DSPP: variants seen among roughly 807,000 people sequenced by gnomAD.
DSPP encodes the protein deafness, autosomal dominant 39.
DSPP carries 28 observed loss-of-function variants against 29.1 expected under a neutral mutation model. The observed-to-expected ratio is 0.96, with a 90% confidence interval of 0.71 to 1.32. The LOEUF is 1.32. DSPP is among the 40% of genes most tolerant of loss of function. DSPP has a pLI of 0.00. For synonymous variants in DSPP, 481 were observed against 503.4 expected, an observed-to-expected ratio of 0.96 and a Z score of 0.60; for missense variants, 1,281 against 1,629.9, an observed-to-expected ratio of 0.79 and a Z score of 3.69.
Position 87,615,643 on chromosome 4 carries a change from G to C in DSPP, c.2981G>C (p.Ser994Thr). Reference sequence around the variant, plus strand: ...AGTGACAGCAGTGATAGCAGTGACAGCAGTGACAGCAGTGATAGCAGCAAC... The same window carrying C: ...AGTGACAGCAGTGATAGCAGTGACACCAGTGACAGCAGTGATAGCAGCAAC... ...DSSDSSDSSDSSDSSDSSNSS... is the reference protein window; with the variant it reads ...DSSDSSDSSDTSDSSDSSNSS... The change falls in exon 5 of 5, where the codon AGC (serine) becomes ACC (threonine). Residue 994 changes from serine (S) to threonine (T), a missense_variant. Coordinates refer to ENST00000651931, the MANE Select transcript of DSPP (RefSeq NM_014208.3). 8 of 1,541,318 alleles carry C rather than the reference G, an allele frequency of 5.2e-6. No homozygotes were observed. The highest frequency in any genetic ancestry group is 7.0e-6 in the Non-Finnish European group (8 of 1,141,536).
chr4:87,612,265 T>A (rs1360087846), intron 3 of DSPP, 57 bp from the exon 4 acceptor site: 1 of 1,612,568 alleles, frequency 6.2e-7, no homozygotes, highest in Non-Finnish European at 8.5e-7. Flanking sequence ...AAGATTGCAA[T>A]TTGCTTTCCT....
rs746719359 is a variant in DSPP at position 87,612,797 on chromosome 4, G to T, written c.611G>T (p.Cys204Phe). The T allele has an allele frequency of 6.2e-6, 10 of 1,614,168 alleles. No homozygotes were observed. Among genetic ancestry groups the T allele is most frequent in the Non-Finnish European group, 8.5e-6 (10 of 1,180,020 alleles). Residue 204 changes from cysteine (C) to phenylalanine (F), a missense_variant, in exon 4 of 5, where the codon TGT becomes TTT. Cys to Phe is a radical substitution (Grantham distance 205, BLOSUM62 -2). This residue lies in a region of DSPP where 631 missense variants were observed against 643.2 expected (regional missense o/e 0.98). Transcript: ENST00000651931. Reference sequence around the variant, plus strand: ...GAGGATGAAATAATTGAGAATTCCTGTAGAAACGAGGGTAATACAAGTGAA... The same window carrying T: ...GAGGATGAAATAATTGAGAATTCCTTTAGAAACGAGGGTAATACAAGTGAA... ...DNEDEIIENS[C>F]RNEGNTSEIT...
rs1431522740 is a variant in DSPP at position 87,616,161 on chromosome 4, G to A, written c.3499G>A (p.Asp1167Asn). ...CAGCAGTGACAGCAGCGATAGCAGC[G>A]ACAGCAGCGACAGCAGCGATAGCAG... ...SDSSDSSDSSDSSDSSDSSDS... is the reference protein window; with the variant it reads ...SDSSDSSDSSNSSDSSDSSDS... The change falls in exon 5 of 5, where the codon GAC becomes AAC. Residue 1167 changes from aspartate to asparagine, a missense_variant. This residue lies in a region of DSPP where 72 missense variants were observed against 190.3 expected (regional missense o/e 0.38). Coordinates refer to ENST00000651931, the MANE Select transcript of DSPP (RefSeq NM_014208.3). The A allele has an allele frequency of 2.0e-6, 3 of 1,530,350 alleles. No homozygotes were observed. The highest frequency in any genetic ancestry group is 2.5e-5 in the East Asian group (1 of 40,678). The allele number at this position is 1,530,350 out of a possible 1,614,324, so 94.8% of individuals were successfully genotyped here.
chr4:87,611,062 T>TGCGC (rs1553903890), intron 2 of DSPP, 103 bp downstream of exon 2: 1 of 1,079,430 alleles, frequency 9.3e-7, no homozygotes, highest in African/African-American at 1.6e-5. Flanking sequence ...TGTGTGTGTG[T>TGCGC]GCATGTACAT....
In DSPP at chr4:87,612,982, G is replaced by C. The variant is rs1727768254; in HGVS notation, c.796G>C (p.Glu266Gln). The change falls in exon 4 of 5, where the codon GAA (glutamate) becomes CAA (glutamine). Residue 266 changes from glutamate (E) to glutamine (Q), a missense_variant. Around this residue, in one of 4 missense-constraint regions of DSPP, gnomAD observed 631 missense variants for 643.2 expected, o/e 0.98. Coordinates refer to ENST00000651931, the MANE Select transcript of DSPP (RefSeq NM_014208.3). ...GGGTTCTGGTGATGATGAAGATGAA[G>C]AAGCAGGGAATGGAAAAGACAGTAG... ...DEGSGDDEDE[E>Q]AGNGKDSSNN... 2 of 1,614,020 alleles carry C rather than the reference G, an allele frequency of 1.2e-6. No homozygotes were observed. Among genetic ancestry groups the C allele is most frequent in the Non-Finnish European group, 8.5e-7 (1 of 1,180,034 alleles).
Position 87,608,613 on chromosome 4 carries a change from C to A in DSPP, c.-36C>A, listed in dbSNP as rs558267401. Reference sequence around the variant, plus strand: ...TGGATTTTCAAAATCCTTTTGAAGCCTTTTAAGGTAAGATGAAATATCCTT... The same window carrying A: ...TGGATTTTCAAAATCCTTTTGAAGCATTTTAAGGTAAGATGAAATATCCTT... On this transcript the variant is annotated 5_prime_UTR_variant, in exon 1 of 5. Transcript: ENST00000651931. 6.6e-6 allele frequency: 1 copy of A among 152,108 alleles called. No individual in the cohort carries two copies. The highest frequency in any genetic ancestry group is 1.5e-5 in the Non-Finnish European group (1 of 68,016). 9.4% of individuals were successfully genotyped at this position (152,108 alleles called of 1,614,324 possible).
At position 87,613,217 on chromosome 4, in the gene DSPP, C is replaced by T; in HGVS notation, c.1031C>T (p.Thr344Ile). ...AATGGCAGCCAAAGAATAGAGGACA[C>T]CCAGAAGCTCAACCATAGAGAAAGC... ...EDNGSQRIEDTQKLNHRESKR... is the reference protein window; with the variant it reads ...EDNGSQRIEDIQKLNHRESKR... Residue 344 changes from threonine to isoleucine, a missense_variant, in exon 4 of 5, where the codon ACC (threonine) becomes ATC (isoleucine). Thr to Ile is a moderately conservative substitution (Grantham distance 89). Around this residue, in one of 4 missense-constraint regions of DSPP, gnomAD observed 631 missense variants for 643.2 expected, o/e 0.98. Transcript: ENST00000651931. The T allele has an allele frequency of 6.2e-7, 1 of 1,613,924 alleles. No individual in the cohort carries two copies. The highest frequency in any genetic ancestry group is 1.3e-5 in the African/African-American group (1 of 75,004).
intron 4 of DSPP, 111 bp downstream of exon 4, chr4:87,613,419 A>G (rs2109995995): frequency 1.5e-6 from 2 of 1,319,400 alleles, no homozygotes; most frequent in East Asian, 2.5e-5. Context: ...TTTTGTATCC[A>G]TATTACTTGA....
At chr4:87,613,388 C>A in intron 4 of DSPP, 80 bp downstream of exon 4, 1 of 1,501,160 alleles carries the variant, frequency 6.7e-7, no homozygotes, top group Non-Finnish European at 9.2e-7. Context: ...CAAAAATAAA[C>A]CATGACAAGC....
In DSPP at chr4:87,612,985, G is replaced by T. The variant is rs759676218; in HGVS notation, c.799G>T (p.Ala267Ser). Residue 267 changes from alanine to serine, a missense_variant, in exon 4 of 5, where the codon GCA (alanine) becomes TCA (serine). Physicochemically the swap from Ala to Ser is moderately conservative, Grantham distance 99. Coordinates refer to ENST00000651931, the MANE Select transcript of DSPP (RefSeq NM_014208.3). ...TTCTGGTGATGATGAAGATGAAGAA[G>T]CAGGGAATGGAAAAGACAGTAGTAA... ...EGSGDDEDEE[A>S]GNGKDSSNNS... The T allele has an allele frequency of 6.2e-7, 1 of 1,614,100 alleles. No individual in the cohort carries two copies. Among genetic ancestry groups the T allele is most frequent in the South Asian group, 1.1e-5 (1 of 91,078 alleles).
Position 87,615,666 on chromosome 4 carries a change from A to G in DSPP, c.3004A>G (p.Asn1002Asp), listed in dbSNP as rs62642443. 457,887 of 1,531,734 alleles carry G rather than the reference A, an allele frequency of 0.3. 69,146 individuals are homozygous for G. Among genetic ancestry groups the G allele is most frequent in the Admixed American group, 0.35 (17,733 of 49,970 alleles). 94.9% of individuals were successfully genotyped at this position (1,531,734 alleles called of 1,614,324 possible). A position where few individuals can be genotyped will look rare whatever the true frequency, so the allele number is the denominator to read the frequency against. Residue 1002 changes from asparagine (N) to aspartate (D), a missense_variant, in exon 5 of 5, where the codon AAC becomes GAC. By Grantham distance (23) the Asn-to-Asp change is conservative. Coordinates refer to ENST00000651931, the MANE Select transcript of DSPP (RefSeq NM_014208.3). The part of the protein sequence containing the change: ...SDSSDSSDSS[N>D]SSDSSDSSDS... ...CAGCAGTGACAGCAGTGATAGCAGC[A>G]ACAGCAGTGATAGCAGTGACAGCAG...
In DSPP at chr4:87,614,004, G is replaced by C. The variant is rs776996679; in HGVS notation, c.1342G>C (p.Asp448His). Residue 448 changes from aspartate to histidine, a missense_variant, in exon 5 of 5, where the codon GAT becomes CAT. Asp to His is a moderately conservative substitution (Grantham distance 81, BLOSUM62 -1). This residue lies in a region of DSPP where 631 missense variants were observed against 643.2 expected (regional missense o/e 0.98). Transcript: ENST00000651931. ...CAATACAGGTAGTGACAGCAATAGT[G>C]ATGGATATGACAGTTATGATTTTGA... is the stretch of plus-strand genomic sequence containing the variant. Reference protein sequence around the residue: ...HSNTGSDSNSDGYDSYDFDDK... With the variant: ...HSNTGSDSNSHGYDSYDFDDK... 4.2e-5 allele frequency: 68 copies of C among 1,614,088 alleles called. No homozygotes were observed. Among genetic ancestry groups the C allele is most frequent in the Non-Finnish European group, 5.4e-5 (64 of 1,180,038 alleles).
In DSPP at chr4:87,615,606, A is replaced by G; in HGVS notation, c.2944A>G (p.Ser982Gly). ...CAGCGACAGCAGTGACAGCAGCAAC[A>G]GCAGCGATAGCAGTGACAGCAGTGA... is the stretch of plus-strand genomic sequence containing the variant. Reference protein sequence around the residue: ...NSSDSSDSSNSSDSSDSSDSS... With the variant: ...NSSDSSDSSNGSDSSDSSDSS... The change falls in exon 5 of 5, where the codon AGC becomes GGC. Residue 982 changes from serine to glycine, a missense_variant. Ser to Gly is a moderately conservative substitution (Grantham distance 56, BLOSUM62 0). Coordinates refer to ENST00000651931, the MANE Select transcript of DSPP (RefSeq NM_014208.3). 1 of 1,550,444 alleles carries G rather than the reference A, an allele frequency of 6.4e-7. No individual in the cohort carries two copies. Among genetic ancestry groups the G allele is most frequent in the Non-Finnish European group, 8.7e-7 (1 of 1,146,744 alleles).
Position 87,612,351 on chromosome 4 carries a change from A to G in DSPP, c.165A>G (p.Lys55=). The G allele has an allele frequency of 1.2e-6, 2 of 1,614,150 alleles. No homozygotes were observed. The highest frequency in any genetic ancestry group is 1.7e-6 in the Non-Finnish European group (2 of 1,179,990). Residue 55 remains lysine, a synonymous_variant, in exon 4 of 5, where the codon AAA becomes AAG. Transcript: ENST00000651931. The part of the protein sequence containing the change: ...QDELNASGTI[K]ESGVLVHEGD... ...AGTTAAATGCCAGTGGAACCATCAA[A>G]GAAAGTGGTGTCCTGGTGCATGAAG...
rs1426267360 is a variant in DSPP at position 87,609,592 on chromosome 4, T to G, written c.-29+972T>G. On this transcript the variant is annotated intron_variant, in intron 1 of 4. Coordinates refer to ENST00000651931, the MANE Select transcript of DSPP (RefSeq NM_014208.3). ...GTTGAACAGCTATAAGAATGAGCAC[T>G]TTTTTCCCCCTCAGTAGCTCTGGAA... is the stretch of plus-strand genomic sequence containing the variant. 3.3e-5 allele frequency among the ~76,000 whole-genome samples: 5 copies of G among 152,168 alleles called. No individual in the cohort carries two copies. In the East Asian group the frequency reaches 5.8e-4, roughly 18 times the overall value.
chr4:87,616,668 T>C lies in DSPP; in HGVS notation c.*100T>C. 6.5e-7 allele frequency: 1 copy of C among 1,533,896 alleles called. No homozygotes were observed. The highest frequency in any genetic ancestry group is 8.8e-7 in the Non-Finnish European group (1 of 1,133,574). On this transcript the variant is annotated 3_prime_UTR_variant, in exon 5 of 5. Coordinates refer to ENST00000651931, the MANE Select transcript of DSPP (RefSeq NM_014208.3). ...AGTAAAGAAAGGGGAGAAATAAACA[T>C]AAGACGTATGTAAACAAAAACAACT...
In DSPP at chr4:87,613,069, A is replaced by G. The variant is rs1389861467; in HGVS notation, c.883A>G (p.Ile295Val). The G allele has an allele frequency of 1.9e-6, 3 of 1,614,086 alleles. No homozygotes were observed. The Admixed American group carries it at 5.0e-5, about 27-fold the overall frequency. Residue 295 changes from isoleucine to valine, a missense_variant, in exon 4 of 5, where the codon ATA (isoleucine) becomes GTA (valine). Physicochemically the swap from Ile to Val is conservative, Grantham distance 29. Around this residue, in one of 4 missense-constraint regions of DSPP, gnomAD observed 631 missense variants for 643.2 expected, o/e 0.98. Coordinates refer to ENST00000651931, the MANE Select transcript of DSPP (RefSeq NM_014208.3). ...GAAAGAAGATGATCATGATAGTAGC[A>G]TAGGTCAAAATTCAGATAGTAAAGA... The part of the protein sequence containing the change: ...HGKEDDHDSS[I>V]GQNSDSKEYY...
Position 87,613,048 on chromosome 4 carries a change from G to T in DSPP, c.862G>T (p.Glu288Ter). Residue 288 changes from glutamate to a stop codon, truncating the protein, a stop_gained, in exon 4 of 5, where the codon GAA becomes TAA. Coordinates refer to ENST00000651931, the MANE Select transcript of DSPP (RefSeq NM_014208.3). LOFTEE classifies it high-confidence loss of function. ...KGQEGQDHGK[E>*]DDHDSSIGQN... ...CCAGGAGGGCCAGGACCATGGGAAA[G>T]AAGATGATCATGATAGTAGCATAGG... 2 of 1,614,118 alleles carry T rather than the reference G, an allele frequency of 1.2e-6. No individual in the cohort carries two copies. Among genetic ancestry groups the T allele is most frequent in the Non-Finnish European group, 1.7e-6 (2 of 1,180,008 alleles).
chr4:87,611,320 G>A (rs1467636021), intron 2 of DSPP, among the ~76,000 whole-genome samples: 1 of 151,976 alleles, frequency 6.6e-6, no homozygotes, highest in Non-Finnish European at 1.5e-5. Context: ...GTCCATCTTT[G>A]CTTCATACTC....
Sources: gnomAD v4.1 joint callset for allele counts (sites outside exome capture counted in the v4.1 genomes callset) on GRCh38, gnomAD v4.1.1 for gene constraint, gnomAD v4.1.1 regional missense constraint, MANE v1.5 for transcripts, NCBI Gene and HGNC (gene_info 2026-07-23, HGNC 2026-07-21) for gene names.